Variants in GOLGA4 observed in about 807,000 individuals in gnomAD.
GOLGA4 encodes the protein golgin A4.
A neutral mutation model predicts 265.9 loss-of-function variants in GOLGA4; 169 were observed. That is an observed-to-expected ratio of 0.64 (90% confidence interval 0.56 to 0.72). The LOEUF is 0.72. Among genes scored for constraint, GOLGA4 ranks in the 30% least tolerant of loss-of-function variants. The pLI is 0.00. For missense variants in GOLGA4, 2,482 were observed against 2,483.4 expected (o/e 1.00, Z 0.01); for synonymous variants, 923 against 855.8 (o/e 1.08, Z -1.37).
chr3:37,304,230 C>T (rs2096900517), intron 10 of GOLGA4, among the ~76,000 whole-genome samples: 1 of 152,134 alleles, frequency 6.6e-6, no homozygotes, highest in African/African-American at 2.4e-5. Flanking sequence ...TTGGAGGATG[C>T]AGTTTTGAGA....
Position 37,328,475 on chromosome 3 carries a change from A to C in GOLGA4, c.5999A>C (p.Glu2000Ala). The C allele has an allele frequency of 6.2e-7, 1 of 1,612,598 alleles. No individual in the cohort carries two copies. Among genetic ancestry groups the C allele is most frequent in the Non-Finnish European group, 8.5e-7 (1 of 1,178,718 alleles). The change falls in exon 15 of 24, where the codon GAG becomes GCG. Residue 2000 changes from glutamate to alanine, a missense_variant. Around this residue, in one of 3 missense-constraint regions of GOLGA4, gnomAD observed 942 missense variants for 983.1 expected, o/e 0.96. Transcript: ENST00000361924. ...TCCACATTAAAACAGCTGATGAGGGAGTTTAATACACAGCTGGCACAAAAG... is the reference window on the plus strand; with the variant it reads ...TCCACATTAAAACAGCTGATGAGGGCGTTTAATACACAGCTGGCACAAAAG... ...HNSTLKQLMR[E>A]FNTQLAQKEQ...
intron 10 of GOLGA4, 128 bp from the exon 11 acceptor site, chr3:37,315,292 A>T: frequency 1.3e-6 from 1 of 766,810 alleles, no homozygotes; most frequent in Non-Finnish European, 2.1e-6. Flanking sequence ...CTCTTGGCTT[A>T]GAACAGTGAT....
Position 37,321,889 on chromosome 3 carries a change from A to C in GOLGA4, c.1701+3A>C. On this transcript the variant is annotated splice_donor_region_variant and intron_variant, in intron 13 of 23. Transcript: ENST00000361924. ...AAGAAGCAGAGACTTACAGAACTGT[A>C]AGTTTTAATAATATTCAGATTCTGG... is the stretch of plus-strand genomic sequence containing the variant. 3 of 1,584,412 alleles carry C rather than the reference A, an allele frequency of 1.9e-6. No individual in the cohort carries two copies. Among genetic ancestry groups the C allele is most frequent in the Non-Finnish European group, 2.6e-6 (3 of 1,169,600 alleles).
intron 19 of GOLGA4, among the ~76,000 whole-genome samples, chr3:37,338,277 C>T (rs191099454): frequency 1.3e-5 from 2 of 152,280 alleles, no homozygotes; most frequent in East Asian, 3.9e-4. Flanking sequence ...AAGGCTAAAT[C>T]TCCTGGGATT....
In GOLGA4 at chr3:37,357,249, C is replaced by T. The variant is rs998473294; in HGVS notation, c.6663+2062C>T. ...TGACCTGCCCAGAAACAATGTTCTA[C>T]TTTTCTACTATTCCTTTAAGCAAAG... On this transcript the variant is annotated intron_variant, in intron 22 of 23. Transcript: ENST00000361924. Among the ~76,000 whole-genome samples, 3 of 152,126 alleles carry T rather than the reference C, an allele frequency of 2.0e-5. No homozygotes were observed. The South Asian group carries it at 6.2e-4, about 31-fold the overall frequency.
chr3:37,337,577 A>G, intron 18 of GOLGA4, 89 bp from the exon 19 acceptor site: 1 of 824,096 alleles, frequency 1.2e-6, no homozygotes, highest in Non-Finnish European at 2.1e-6. Flanking sequence ...ACTTAAAAAG[A>G]CTAACAAAAA....
At position 37,326,758 on chromosome 3, in the gene GOLGA4, A is replaced by G. The variant is rs368116475; in HGVS notation, c.4872A>G (p.Ala1624=). The G allele has an allele frequency of 5.0e-6, 8 of 1,613,618 alleles. No individual in the cohort carries two copies. In the African/African-American group the frequency reaches 8.0e-5, roughly 16 times the overall value. The change falls in exon 14 of 24, where the codon GCA becomes GCG. Residue 1624 remains alanine (A), a synonymous_variant. Coordinates refer to ENST00000361924, the MANE Select transcript of GOLGA4 (RefSeq NM_002078.5). ...SVKSKEEELK[A]LEDRLESESA... is the part of the protein sequence containing the mutation. ...AAAGCAAAGAGGAGGAGTTAAAGGC[A>G]TTGGAAGATAGGCTTGAGTCAGAAA...
At chr3:37,284,124 T>C (rs768541100) in intron 3 of GOLGA4, among the ~76,000 whole-genome samples, 7 of 152,166 alleles carry the variant, frequency 4.6e-5, no homozygotes, top group Non-Finnish European at 8.8e-5. Flanking sequence ...AATAATGTTG[T>C]AAATGACCTC....
chr3:37,276,262 A>T, intron 2 of GOLGA4: 1 of 1,560,626 alleles, frequency 6.4e-7, no homozygotes, highest in South Asian at 1.1e-5. Flanking sequence ...ACAAAAATAG[A>T]GTACGAAGTA....
intron 16 of GOLGA4, among the ~76,000 whole-genome samples, chr3:37,331,598 A>G (rs1020829959): frequency 6.6e-6 from 1 of 152,116 alleles, no homozygotes; most frequent in African/African-American, 2.4e-5. Context: ...AGTGTTTTTT[A>G]CCCTTTCTTA....
At chr3:37,298,330 A>G (rs997102755) in intron 7 of GOLGA4, among the ~76,000 whole-genome samples, 2 of 152,112 alleles carry the variant, frequency 1.3e-5, no homozygotes, top group African/African-American at 4.8e-5. Context: ...GTCAGAGATG[A>G]TATCATAGGG....
chr3:37,251,623 GTC>G (rs1491366808), intron 2 of GOLGA4, 139 bp downstream of exon 2: 14 of 484,518 alleles, frequency 2.9e-5, no homozygotes, highest in Non-Finnish European at 3.5e-5. Flanking sequence ...AACACAATTG[GTC>G]TTTTTTTTTT....
chr3:37,328,967 G>A lies in GOLGA4; in HGVS notation c.6066G>A (p.Lys2022=). 6.3e-7 allele frequency: 1 copy of A among 1,593,034 alleles called. No individual in the cohort carries two copies. Among genetic ancestry groups the A allele is most frequent in the Non-Finnish European group, 8.5e-7 (1 of 1,173,136 alleles). The change falls in exon 16 of 24, where the codon AAG becomes AAA. Residue 2022 remains lysine, a synonymous_variant. Coordinates refer to ENST00000361924, the MANE Select transcript of GOLGA4 (RefSeq NM_002078.5). The stretch of plus-strand genomic sequence containing the variant: ...GTGTTCATTTTTATTTATTAGATAA[G>A]GCCCAGGAGGTGGAGGCTGAACTTT... ...LEMTIKETIN[K]AQEVEAELLE...
At chr3:37,329,317 AGTCC>A (rs2096982622) in intron 16 of GOLGA4, 1 of 352,740 alleles carries the variant, frequency 2.8e-6, no homozygotes, top group Admixed American at 4.8e-5. Context: ...TAGGCAGCAC[AGTCC>A]CCTTGCTAGT....
In GOLGA4 at chr3:37,325,323, C is replaced by G. The variant is rs138942611; in HGVS notation, c.3437C>G (p.Ser1146Cys). 3.9e-5 allele frequency: 63 copies of G among 1,613,480 alleles called. No individual in the cohort carries two copies. In the Admixed American group the frequency reaches 5.8e-4, roughly 15 times the overall value. ...LEKLEVDLNK[S>C]LKENTFLQEQ... is the part of the protein sequence containing the mutation. The stretch of plus-strand genomic sequence containing the variant: ...AAGCTAGAGGTTGACTTGAATAAGT[C>G]TCTGAAGGAAAATACTTTTCTTCAA... The change falls in exon 14 of 24, where the codon TCT (serine) becomes TGT (cysteine). Residue 1146 changes from serine (S) to cysteine (C), a missense_variant. Around this residue, in one of 3 missense-constraint regions of GOLGA4, gnomAD observed 1,536 missense variants for 1,483.7 expected, o/e 1.04. Coordinates refer to ENST00000361924, the MANE Select transcript of GOLGA4 (RefSeq NM_002078.5).
At chr3:37,350,974 T>C (rs2097072270) in intron 21 of GOLGA4, among the ~76,000 whole-genome samples, 1 of 152,108 alleles carries the variant, frequency 6.6e-6, no homozygotes, top group Non-Finnish European at 1.5e-5. Flanking sequence ...GGGGTGTCTG[T>C]GGCATTTTCC....
At chr3:37,257,919 GTATATATGTATATATACATACA>G (rs1391678345) in intron 2 of GOLGA4, among the ~76,000 whole-genome samples, 1,616 of 114,016 alleles carry the variant, frequency 0.014, 262 homozygotes, top group African/African-American at 0.056. Flanking sequence ...ATATATGTAT[GTATATATGTATATATACATACA>G]TATATATGTA....
Position 37,329,010 on chromosome 3 carries a change from G to A in GOLGA4, c.6109G>A (p.Glu2037Lys), listed in dbSNP as rs2096981427. ...EAELLESHQE[E>K]TNQLLKKIAE... ...TGAACTTTTAGAAAGCCATCAAGAA[G>A]AGACAAATCAGTTACTTAAAAAAAT... Residue 2037 changes from glutamate (E) to lysine (K), a missense_variant, in exon 16 of 24, where the codon GAG (glutamate) becomes AAG (lysine). By Grantham distance (56) the Glu-to-Lys change is moderately conservative (BLOSUM62 1). Around this residue, in one of 3 missense-constraint regions of GOLGA4, gnomAD observed 942 missense variants for 983.1 expected, o/e 0.96. Coordinates refer to ENST00000361924, the MANE Select transcript of GOLGA4 (RefSeq NM_002078.5). The A allele has an allele frequency of 1.2e-6, 2 of 1,610,710 alleles. No individual in the cohort carries two copies. The highest frequency in any genetic ancestry group is 3.4e-5 in the Admixed American group (2 of 59,674).
At chr3:37,249,314 C>A (rs2096727681) in intron 1 of GOLGA4, among the ~76,000 whole-genome samples, 1 of 152,212 alleles carries the variant, frequency 6.6e-6, no homozygotes, top group Admixed American at 6.5e-5. Context: ...CTTTCCCTTG[C>A]CATTTTCTAA....
Sources: gnomAD v4.1 joint callset for allele counts (sites outside exome capture counted in the v4.1 genomes callset) on GRCh38, gnomAD v4.1.1 for gene constraint, gnomAD v4.1.1 regional missense constraint, MANE v1.5 for transcripts, NCBI Gene and HGNC (gene_info 2026-07-23, HGNC 2026-07-21) for gene names.